MYO7B: variants seen among roughly 807,000 people sequenced by gnomAD.
MYO7B encodes unconventional myosin-VIIb.
MYO7B carries 212 observed loss-of-function variants against 259.7 expected under a neutral mutation model. The observed-to-expected ratio is 0.82, with a 90% CI of 0.73 to 0.91. MYO7B has a LOEUF of 0.91. MYO7B is among the 40% of genes least tolerant of loss of function. The pLI, the probability that MYO7B is intolerant of heterozygous loss-of-function variation, is 0.00. For missense variants in MYO7B, 2,732 were observed against 2,813.5 expected (o/e 0.97, Z 0.66); for synonymous variants, 1,197 against 1,166.4 (o/e 1.03, Z -0.54).
chr2:127,589,995 T>A, intron 15 of MYO7B, 97 bp from the exon 16 acceptor site: 1 of 1,374,190 alleles, frequency 7.3e-7, no homozygotes, highest in Non-Finnish European at 1.0e-6. Flanking sequence ...CCACCCCACC[T>A]GTGGGGCCTT....
At chr2:127,620,250 G>C (rs935020584) in intron 26 of MYO7B, 90 bp from the exon 27 acceptor site, 2 of 1,478,718 alleles carry the variant, frequency 1.4e-6, no homozygotes, top group Non-Finnish European at 1.8e-6. Context: ...GGACCTCTCA[G>C]AGGTGCACAA....
intron 9 of MYO7B, among the ~76,000 whole-genome samples, chr2:127,579,908 C>T (rs1365266200): frequency 7.2e-5 from 11 of 152,092 alleles, no homozygotes; most frequent in African/African-American, 1.7e-4. Flanking sequence ...ATTTAAAAGC[C>T]GGCACATTAA....
chr2:127,582,394 A>C lies in MYO7B; in HGVS notation c.1291A>C (p.Arg431=), dbSNP rs758972104. The change falls in exon 12 of 48, where the codon AGG becomes CGG. Residue 431 remains arginine, a synonymous_variant. Coordinates refer to ENST00000409816, the MANE Select transcript of MYO7B (RefSeq NM_001393586.1). ...PPAQDPKNVR[R]AIGLLDIFGF... is the part of the protein sequence containing the mutation. ...AGCCCAGGACCCCAAAAATGTGCGGAGGGCCATCGGCCTCCTGGACATATT... is the reference window on the plus strand; with the variant it reads ...AGCCCAGGACCCCAAAAATGTGCGGCGGGCCATCGGCCTCCTGGACATATT... 34 of 1,613,392 alleles carry C rather than the reference A, an allele frequency of 2.1e-5. No individual in the cohort carries two copies. The highest frequency in any genetic ancestry group is 1.0e-4 in the Admixed American group (6 of 59,944).
intron 19 of MYO7B, among the ~76,000 whole-genome samples, chr2:127,605,267 G>C (rs757109381): frequency 3.9e-5 from 6 of 152,182 alleles, no homozygotes; most frequent in Non-Finnish European, 7.3e-5. Context: ...TTTGGGGGTA[G>C]AGGGAATGAG....
intron 1 of MYO7B, among the ~76,000 whole-genome samples, chr2:127,549,217 T>C (rs1424792003): frequency 1.3e-5 from 2 of 152,160 alleles, no homozygotes; most frequent in African/African-American, 4.8e-5. Flanking sequence ...CACTGATGTA[T>C]CTAGCTCTAT....
Position 127,560,682 on chromosome 2 carries a change from C to T in MYO7B, c.18+942C>T, listed in dbSNP as rs573896682. On this transcript the variant is annotated intron_variant, in intron 2 of 47. Coordinates refer to ENST00000409816, the MANE Select transcript of MYO7B (RefSeq NM_001393586.1). Reference sequence around the variant, plus strand: ...AGCAGAGGCCCCAAACCAGCCTGTGCATCCTTCCCTGCCCTCCACATTTCC... The same window carrying T: ...AGCAGAGGCCCCAAACCAGCCTGTGTATCCTTCCCTGCCCTCCACATTTCC... Among the ~76,000 whole-genome samples, 5 of 152,332 alleles carry T rather than the reference C, an allele frequency of 3.3e-5. No homozygotes were observed. In the East Asian group the frequency reaches 7.7e-4, roughly 24 times the overall value.
rs1460341907 is a variant in MYO7B at position 127,597,988 on chromosome 2, C to A, written c.2339+1432C>A. 6.6e-6 allele frequency among the ~76,000 whole-genome samples: 1 copy of A among 152,068 alleles called. No individual in the cohort carries two copies. The highest frequency in any genetic ancestry group is 1.5e-5 in the Non-Finnish European group (1 of 68,022). Reference sequence around the variant, plus strand: ...GGTGGTATTCTATGGGATGGATACACCACAGTTTGTTTAACCATTCACCTG... The same window carrying A: ...GGTGGTATTCTATGGGATGGATACAACACAGTTTGTTTAACCATTCACCTG... On this transcript the variant is annotated intron_variant, in intron 19 of 47. Coordinates refer to ENST00000409816, the MANE Select transcript of MYO7B (RefSeq NM_001393586.1). This position sits in a 1 kb window ranked among gnomAD's most constrained non-coding sequence, Gnocchi z 4.8.
chr2:127,562,253 C>T (rs1678119230), intron 2 of MYO7B, among the ~76,000 whole-genome samples: 1 of 151,894 alleles, frequency 6.6e-6, no homozygotes, highest in Non-Finnish European at 1.5e-5. Flanking sequence ...GTATTTTTGC[C>T]CATCTTCTAT....
rs113714626 is a variant in MYO7B at position 127,571,513 on chromosome 2, T to C, written c.592+1603T>C. On this transcript the variant is annotated intron_variant, in intron 6 of 47. Transcript: ENST00000409816. ...TTATTTTTTTGAGACGGAGTTTCGC[T>C]CTTGTTGCCCAGGCTGGAGCACAAT... Among the ~76,000 whole-genome samples, 981 of 149,784 alleles carry C rather than the reference T, an allele frequency of 6.5e-3. 14 individuals are homozygous for C. The highest frequency in any genetic ancestry group is 0.023 in the African/African-American group (944 of 40,496).
At chr2:127,619,498 G>A (rs1178290692) in intron 26 of MYO7B, among the ~76,000 whole-genome samples, 1 of 152,092 alleles carries the variant, frequency 6.6e-6, no homozygotes, top group Non-Finnish European at 1.5e-5. Flanking sequence ...GGCTGATGGC[G>A]ATGCCTGTAG....
chr2:127,591,435 G>T (rs1679553934), intron 16 of MYO7B, among the ~76,000 whole-genome samples: 1 of 152,222 alleles, frequency 6.6e-6, no homozygotes, highest in African/African-American at 2.4e-5. Context: ...CTCATTGGTG[G>T]CTGCTCAGGG....
chr2:127,561,670 G>A (rs1456928171), intron 2 of MYO7B, among the ~76,000 whole-genome samples: 1 of 152,168 alleles, frequency 6.6e-6, no homozygotes, highest in Non-Finnish European at 1.5e-5. Flanking sequence ...TGTGAAGCGG[G>A]CCCTTTCAAC....
At position 127,627,043 on chromosome 2, in the gene MYO7B, G is replaced by A; in HGVS notation, c.4284G>A (p.Leu1428=). Residue 1428 remains leucine (L), a synonymous_variant, in exon 32 of 48, where the codon CTG becomes CTA. Coordinates refer to ENST00000409816, the MANE Select transcript of MYO7B (RefSeq NM_001393586.1). The surrounding 1 kb of genome is among the most constrained non-coding windows in gnomAD (Gnocchi z 5.6). The stretch of plus-strand genomic sequence containing the variant: ...AGCAGGTGGTGGACGCCGCCCGCCT[G>A]CAGTGGCCGCTGCTCTTCTCCCGGC... ...VREQVVDAAR[L]QWPLLFSRLF... 1.2e-6 allele frequency: 2 copies of A among 1,612,252 alleles called. No homozygotes were observed. The highest frequency in any genetic ancestry group is 1.7e-6 in the Non-Finnish European group (2 of 1,179,566).
At chr2:127,566,111 T>A (rs1055332473) in intron 4 of MYO7B, among the ~76,000 whole-genome samples, 4 of 152,306 alleles carry the variant, frequency 2.6e-5, no homozygotes, top group African/African-American at 9.6e-5. Flanking sequence ...TCCTCTCCTT[T>A]CCTAAAGTGA....
At chr2:127,623,178 G>A (rs1181965603) in intron 28 of MYO7B, 24 bp from the exon 29 acceptor site, 1 of 1,612,550 alleles carries the variant, frequency 6.2e-7, no homozygotes, top group Admixed American at 1.7e-5. Flanking sequence ...AGAGGCCAGG[G>A]AACTGAATCT....
chr2:127,612,627 C>T (rs781426533), intron 26 of MYO7B, 24 bp downstream of exon 26: 14 of 1,606,044 alleles, frequency 8.7e-6, no homozygotes, highest in Non-Finnish European at 1.2e-5. Flanking sequence ...CCCATCCCGG[C>T]CCCATTCAGA....
In MYO7B at chr2:127,590,784, G is replaced by C. The variant is rs1679527867; in HGVS notation, c.1992+555G>C. ...GTCCCACCCAGAGGCCGCATATGCA[G>C]GGATTCCCCAAACTAGGAGACATCA... On this transcript the variant is annotated intron_variant, in intron 16 of 47. Transcript: ENST00000409816. This position sits in a 1 kb window ranked among gnomAD's most constrained non-coding sequence, Gnocchi z 4.6. 2.0e-5 allele frequency among the ~76,000 whole-genome samples: 3 copies of C among 152,190 alleles called. No homozygotes were observed. The highest frequency in any genetic ancestry group is 1.3e-4 in the Admixed American group (2 of 15,288).
In MYO7B at chr2:127,628,324, C is replaced by G; in HGVS notation, c.4461-48C>G. The stretch of plus-strand genomic sequence containing the variant: ...TCCCGAGGCTGTTTAGGGGCTGGAT[C>G]AGGGGAAGGTGGAGGGGGCTCCTGG... On this transcript the variant is annotated intron_variant, in intron 33 of 47. Transcript: ENST00000409816. This position sits in a 1 kb window ranked among gnomAD's most constrained non-coding sequence, Gnocchi z 4.8. The G allele has an allele frequency of 6.4e-7, 1 of 1,561,766 alleles. No homozygotes were observed. Among genetic ancestry groups the G allele is most frequent in the South Asian group, 1.2e-5 (1 of 85,264 alleles).
intron 19 of MYO7B, among the ~76,000 whole-genome samples, chr2:127,604,828 T>G (rs1680104361): frequency 6.6e-6 from 1 of 152,192 alleles, no homozygotes; most frequent in Admixed American, 6.5e-5. Flanking sequence ...TTTCCCATCT[T>G]ATATGGGTGC....
Sources: allele counts gnomAD v4.1 joint callset (sites outside exome capture counted in the v4.1 genomes callset), GRCh38; gene constraint gnomAD v4.1.1; non-coding constraint Gnocchi (gnomAD v3.1); transcripts MANE v1.5; gene names NCBI Gene and HGNC (gene_info 2026-07-23, HGNC 2026-07-21).